The following MAST2 variants were observed in gnomAD, a reference collection of about 807,000 sequenced individuals.
MAST2 encodes the protein microtubule-associated serine/threonine-protein kinase 2.
A neutral mutation model predicts 147.4 loss-of-function variants in MAST2; 70 were observed. The observed-to-expected ratio is 0.47, with a 90% CI of 0.39 to 0.58. MAST2 has a LOEUF of 0.58. Among genes scored for constraint, MAST2 ranks in the 20% least tolerant of loss-of-function variants. The pLI is 0.00. For synonymous variants in MAST2, 869 were observed against 896.8 expected, an observed-to-expected ratio of 0.97 and a Z score of 0.55; for missense variants, 2,080 against 2,302.3, an observed-to-expected ratio of 0.90 and a Z score of 1.98.
At chr1:45,980,604 G>A (rs973266834) in intron 5 of MAST2, among the ~76,000 whole-genome samples, 13 of 152,058 alleles carry the variant, frequency 8.5e-5, no homozygotes, top group Non-Finnish European at 1.5e-4. Context: ...GCATGATCAC[G>A]GCTCATTGCA....
intron 5 of MAST2, among the ~76,000 whole-genome samples, chr1:45,968,896 T>A (rs149714617): frequency 1.3e-5 from 2 of 150,710 alleles, no homozygotes; most frequent in East Asian, 3.9e-4. Context: ...TTTTCGGTCC[T>A]TTTTTCTTTG....
intron 3 of MAST2, among the ~76,000 whole-genome samples, chr1:45,849,046 A>G (rs1645536166): frequency 6.6e-6 from 1 of 152,172 alleles, no homozygotes; most frequent in African/African-American, 2.4e-5. Flanking sequence ...GATTTCTACA[A>G]TGAGAATTAG....
chr1:45,958,675 C>T (rs1053763941), intron 4 of MAST2, among the ~76,000 whole-genome samples: 2 of 152,102 alleles, frequency 1.3e-5, no homozygotes, highest in Non-Finnish European at 2.9e-5. Flanking sequence ...TAAGACACTG[C>T]CTAGTGTGTA....
intron 4 of MAST2, among the ~76,000 whole-genome samples, chr1:45,933,129 A>C (rs1370665781): frequency 7.0e-6 from 1 of 142,492 alleles, no homozygotes; most frequent in Admixed American, 7.3e-5. Flanking sequence ...CCAGCTACTC[A>C]GGAGGATCAT....
chr1:46,027,918 G>T (rs922058259), intron 17 of MAST2, 55 bp downstream of exon 17: 1 of 1,601,252 alleles, frequency 6.2e-7, no homozygotes, highest in Non-Finnish European at 8.5e-7. Flanking sequence ...TTGTCCTGGC[G>T]CAGTGTCTTA....
At chr1:45,948,818 G>T (rs750285172) in intron 4 of MAST2, among the ~76,000 whole-genome samples, 1 of 151,574 alleles carries the variant, frequency 6.6e-6, no homozygotes, top group Non-Finnish European at 1.5e-5. Flanking sequence ...ATACTACAGG[G>T]CTACAGTAAT....
chr1:45,839,779 A>G (rs1244584374), intron 3 of MAST2, among the ~76,000 whole-genome samples: 1 of 152,240 alleles, frequency 6.6e-6, no homozygotes, highest in Non-Finnish European at 1.5e-5. Flanking sequence ...ATGACTTTGT[A>G]TAAAGGAACA....
chr1:45,806,121 C>T (rs1022983120), intron 1 of MAST2, among the ~76,000 whole-genome samples: 5 of 152,180 alleles, frequency 3.3e-5, no homozygotes, highest in Admixed American at 6.5e-5. Context: ...TCACAACTCA[C>T]ATCAGGATGG....
intron 6 of MAST2, among the ~76,000 whole-genome samples, chr1:45,998,325 T>C (rs1645138677): frequency 6.6e-6 from 1 of 152,234 alleles, no homozygotes; most frequent in African/African-American, 2.4e-5. Context: ...TCTATGAATT[T>C]AGAAAGATTT....
At chr1:45,944,103 C>G (rs1225914806) in intron 4 of MAST2, among the ~76,000 whole-genome samples, 3 of 152,196 alleles carry the variant, frequency 2.0e-5, no homozygotes, top group Non-Finnish European at 4.4e-5. Flanking sequence ...CGACAGTCTT[C>G]TTTAAACATG....
chr1:45,846,902 A>G, intron 3 of MAST2: 2 of 196,572 alleles, frequency 1.0e-5, no homozygotes, highest in South Asian at 1.7e-4. Context: ...TGTCAACATC[A>G]AATTCTTGTA....
chr1:45,984,107 T>G (rs1192320743), intron 5 of MAST2, among the ~76,000 whole-genome samples: 2 of 152,210 alleles, frequency 1.3e-5, no homozygotes, highest in Non-Finnish European at 2.9e-5. Context: ...TTTGATCTAT[T>G]GTTTAAAAAT....
In MAST2 at chr1:46,034,163, G is replaced by C; in HGVS notation, c.3765G>C (p.Leu1255Phe). 1 of 1,614,132 alleles carries C rather than the reference G, an allele frequency of 6.2e-7. No individual in the cohort carries two copies. Among genetic ancestry groups the C allele is most frequent in the Non-Finnish European group, 8.5e-7 (1 of 1,180,000 alleles). Residue 1255 changes from leucine (L) to phenylalanine (F), a missense_variant, in exon 28 of 29, where the codon TTG becomes TTC. This residue lies in a region of MAST2 where 1,278 missense variants were observed against 1,304.2 expected (regional missense o/e 0.98). Transcript: ENST00000361297. ...SRSLSSLNRS[L>F]SSGESGPGSP... ...GCCTTTCTTCCCTTAACCGCTCCTT[G>C]TCATCAGGGGAGAGTGGGCCAGGCT...
chr1:45,913,150 C>T (rs1171985707), intron 4 of MAST2, among the ~76,000 whole-genome samples: 1 of 152,280 alleles, frequency 6.6e-6, no homozygotes, highest in South Asian at 2.1e-4. Context: ...TGAACTTTGT[C>T]TGAAGGAGTA....
chr1:46,009,435 T>G (rs1213069487), intron 9 of MAST2, among the ~76,000 whole-genome samples: 1 of 152,208 alleles, frequency 6.6e-6, no homozygotes, highest in Non-Finnish European at 1.5e-5. Flanking sequence ...TGTTCCTGAC[T>G]GAGAGGGGAT....
Position 46,032,205 on chromosome 1 carries a change from G to A in MAST2, c.3215G>A (p.Ser1072Asn). 1.2e-6 allele frequency: 2 copies of A among 1,614,136 alleles called. No individual in the cohort carries two copies. The highest frequency in any genetic ancestry group is 1.7e-6 in the Non-Finnish European group (2 of 1,180,026). The change falls in exon 25 of 29, where the codon AGC becomes AAC. Residue 1072 changes from serine to asparagine, a missense_variant. Ser to Asn is a conservative substitution (Grantham distance 46). Coordinates refer to ENST00000361297, the MANE Select transcript of MAST2 (RefSeq NM_015112.3). ...CACCACACCTGCTCCCCGTTGGCCAGCCCCATGTCCCCACATTCTCAGTCG... is the reference window on the plus strand; with the variant it reads ...CACCACACCTGCTCCCCGTTGGCCAACCCCATGTCCCCACATTCTCAGTCG... Reference protein sequence around the residue: ...SEHHTCSPLASPMSPHSQSSN... With the variant: ...SEHHTCSPLANPMSPHSQSSN...
chr1:45,838,331 T>A (rs1307149823), intron 3 of MAST2, among the ~76,000 whole-genome samples: 2 of 151,260 alleles, frequency 1.3e-5, no homozygotes, highest in African/African-American at 2.4e-5. Context: ...GCACTTCTTT[T>A]GCCTTACCCT....
chr1:45,819,252 C>CA (rs35652191), intron 1 of MAST2, among the ~76,000 whole-genome samples: 151 of 112,768 alleles, frequency 1.3e-3, no homozygotes, highest in South Asian at 4.4e-3. Context: ...AAGTCTGTCT[C>CA]AAAAAAAAAA....
At chr1:45,907,029 C>T (rs1202917392) in intron 4 of MAST2, among the ~76,000 whole-genome samples, 1 of 152,102 alleles carries the variant, frequency 6.6e-6, no homozygotes, top group Non-Finnish European at 1.5e-5. Flanking sequence ...ATAGGCTATA[C>T]AATACCATAT....
Sources: allele counts gnomAD v4.1 joint callset (sites outside exome capture counted in the v4.1 genomes callset), GRCh38; gene constraint gnomAD v4.1.1; regional missense constraint gnomAD v4.1.1; transcripts MANE v1.5; gene names NCBI Gene and HGNC (gene_info 2026-07-23, HGNC 2026-07-21).